AASS: variants seen among roughly 807,000 people sequenced by gnomAD.
AASS encodes aminoadipate-semialdehyde synthase, also known as alpha-aminoadipic semialdehyde synthase, mitochondrial.
Under a neutral mutation model 105.4 loss-of-function variants are expected in AASS, and 86 were observed. That is an observed-to-expected ratio of 0.82 (90% CI 0.69 to 0.98). The LOEUF is 0.98. Among genes scored for constraint, AASS ranks in the 50% least tolerant of loss-of-function variants. The pLI is 0.00. For synonymous variants in AASS, 381 were observed against 394.8 expected, an observed-to-expected ratio of 0.96 and a Z score of 0.41; for missense variants, 1,048 against 1,143.2, an observed-to-expected ratio of 0.92 and a Z score of 1.20.
At chr7:122,122,722 A>G (rs187474462) in intron 4 of AASS, among the ~76,000 whole-genome samples, 27 of 152,338 alleles carry the variant, frequency 1.8e-4, no homozygotes, top group Admixed American at 7.2e-4. Context: ...TAGACACTAC[A>G]GAAGAAAATC....
intron 11 of AASS, among the ~76,000 whole-genome samples, chr7:122,106,407 T>C (rs1348334945): frequency 6.6e-6 from 1 of 151,980 alleles, no homozygotes; most frequent in African/African-American, 2.4e-5. Context: ...AGAAACTATT[T>C]TAAAATTCAT....
rs1183219695 is a variant in AASS, at chr7:122,144,249, T to C, written c.-104A>G. ...GAGGCTCCGAATTCCTAGAAGAAACTGGGATGGAAGGCCGGGAAGTAGGAG... is the reference window on the plus strand; with the variant it reads ...GAGGCTCCGAATTCCTAGAAGAAACCGGGATGGAAGGCCGGGAAGTAGGAG... On this transcript the variant is annotated 5_prime_UTR_variant, in exon 1 of 24. Transcript: ENST00000417368. 1.3e-5 allele frequency: 2 copies of C among 152,270 alleles called. No homozygotes were observed. Among genetic ancestry groups the C allele is most frequent in the Non-Finnish European group, 2.9e-5 (2 of 68,090 alleles). 9.4% of individuals were successfully genotyped at this position (152,270 alleles called of 1,614,324 possible). A position where few individuals can be genotyped will look rare whatever the true frequency, so the allele number is the denominator to read the frequency against.
At chr7:122,084,602 A>G (rs779492864) in intron 19 of AASS, among the ~76,000 whole-genome samples, 5 of 152,132 alleles carry the variant, frequency 3.3e-5, no homozygotes, top group Admixed American at 6.6e-5. Flanking sequence ...GATAGAGAAT[A>G]AAACCATGGT....
intron 11 of AASS, among the ~76,000 whole-genome samples, chr7:122,108,552 A>G (rs1019308560): frequency 6.6e-6 from 1 of 152,126 alleles, no homozygotes; most frequent in African/African-American, 2.4e-5. Flanking sequence ...TATCACATTG[A>G]CAGAATGAAG....
In AASS at chr7:122,129,481, A is replaced by T; in HGVS notation, c.267T>A (p.Ile89=). The T allele has an allele frequency of 6.2e-7, 1 of 1,613,600 alleles. No individual in the cohort carries two copies. The highest frequency in any genetic ancestry group is 8.5e-7 in the Non-Finnish European group (1 of 1,179,730). The change falls in exon 3 of 24, where the codon ATT becomes ATA. Residue 89 remains isoleucine (I), a synonymous_variant. Transcript: ENST00000417368. ...CCTCTGGAGGTCTTTTAACTCCTAA[A>T]ATTAGACAAGCTTCAGAAATATCCT... is the stretch of plus-strand genomic sequence containing the variant. ...LQEDISEACL[I]LGVKRPPEEK... is the part of the protein sequence containing the mutation.
At chr7:122,135,354 T>C (rs1796095854) in intron 1 of AASS, among the ~76,000 whole-genome samples, 1 of 151,876 alleles carries the variant, frequency 6.6e-6, no homozygotes, top group African/African-American at 2.4e-5. Context: ...CAGAGTTAAA[T>C]CACTCTGCTT....
At chr7:122,102,228 G>A (rs1794464634) in intron 11 of AASS, among the ~76,000 whole-genome samples, 1 of 151,928 alleles carries the variant, frequency 6.6e-6, no homozygotes, top group Admixed American at 6.6e-5. Flanking sequence ...GACCTAGAAA[G>A]TCATTCACAC....
rs962656859 is a variant in AASS at position 122,076,623 on chromosome 7, T to C, written c.2663-16A>G. On this transcript the variant is annotated splice_polypyrimidine_tract_variant and intron_variant, in intron 23 of 23. Coordinates refer to ENST00000417368, the MANE Select transcript of AASS (RefSeq NM_005763.4). ...CCAATTTCACCTGGAAGAAAATAAA[T>C]GTGTAATTACCATTTCAAAGGTTGT... 1 of 1,525,514 alleles carries C rather than the reference T, an allele frequency of 6.6e-7. No individual in the cohort carries two copies. Among genetic ancestry groups the C allele is most frequent in the East Asian group, 2.3e-5 (1 of 44,440 alleles). 94.5% of individuals were successfully genotyped at this position (1,525,514 alleles called of 1,614,324 possible).
At chr7:122,126,337 A>C in intron 4 of AASS, 38 bp downstream of exon 4, 2 of 1,578,828 alleles carry the variant, frequency 1.3e-6, no homozygotes, top group South Asian at 2.2e-5. Context: ...CCCCAAGCCA[A>C]TTTAGGAAGT....
intron 1 of AASS, among the ~76,000 whole-genome samples, chr7:122,136,211 G>C (rs1011423040): frequency 2.6e-5 from 4 of 152,156 alleles, no homozygotes; most frequent in Non-Finnish European, 5.9e-5. Context: ...GATGGGGAAG[G>C]CTTGACCAAA....
rs774728615 is a variant in AASS, at chr7:122,092,875, T to C, written c.1843A>G (p.Thr615Ala). The change falls in exon 17 of 24, where the codon ACA becomes GCA. Residue 615 changes from threonine (T) to alanine (A), a missense_variant. Transcript: ENST00000417368. ...CCCACTTCCTTGGCTTTATCTATTG[T>C]TTCCATTGCTAACATGTGATCCAGA... is the stretch of plus-strand genomic sequence containing the variant. ...PGLDHMLAME[T>A]IDKAKEVGAT... 6.2e-7 allele frequency: 1 copy of C among 1,613,964 alleles called. No homozygotes were observed. The highest frequency in any genetic ancestry group is 1.7e-5 in the Admixed American group (1 of 59,976).
At position 122,115,766 on chromosome 7, in the gene AASS, C is replaced by A. The variant is rs866063736; in HGVS notation, c.895-544G>T. ...ATCAGTTTTAGGATGCATCCAATCA[C>A]CAATACTTCTGTGATTGGGGAAATG... is the stretch of plus-strand genomic sequence containing the variant. On this transcript the variant is annotated intron_variant, in intron 8 of 23. Transcript: ENST00000417368. Among the ~76,000 whole-genome samples, 85 of 152,216 alleles carry A rather than the reference C, an allele frequency of 5.6e-4. 3 individuals are homozygous for A. The highest frequency in any genetic ancestry group is 3.5e-4 in the Non-Finnish European group (24 of 68,016).
chr7:122,123,469 G>C (rs1795522644), intron 4 of AASS, among the ~76,000 whole-genome samples: 1 of 152,142 alleles, frequency 6.6e-6, no homozygotes, highest in South Asian at 2.1e-4. Flanking sequence ...TTTCTAGTTG[G>C]TTAATGACAG....
chr7:122,092,836 G>C lies in AASS; in HGVS notation c.1875+7C>G. ...TAATGTTGCCTTTGGGTACAAATTG[G>C]GCTCACCGTGGCTCCCACTTCCTTG... On this transcript the variant is annotated splice_region_variant and intron_variant, in intron 17 of 23. Coordinates refer to ENST00000417368, the MANE Select transcript of AASS (RefSeq NM_005763.4). 1 of 1,609,642 alleles carries C rather than the reference G, an allele frequency of 6.2e-7. No individual in the cohort carries two copies. Among genetic ancestry groups the C allele is most frequent in the Non-Finnish European group, 8.5e-7 (1 of 1,176,082 alleles).
In AASS at chr7:122,104,211, G is replaced by A. The variant is rs576096512; in HGVS notation, c.1279-2531C>T. Among the ~76,000 whole-genome samples the A allele has an allele frequency of 1.4e-4, 21 of 152,058 alleles. 1 individual carries two copies. In the South Asian group the frequency reaches 4.1e-3, roughly 30 times the overall value. On this transcript the variant is annotated intron_variant, in intron 11 of 23. Coordinates refer to ENST00000417368, the MANE Select transcript of AASS (RefSeq NM_005763.4). ...AAGCTCTACTATTCACAATAGCAAA[G>A]TTATGGAACCAATCTAGATACCCAT... is the stretch of plus-strand genomic sequence containing the variant.
In AASS at chr7:122,077,702, G is replaced by A. The variant is rs1187785380; in HGVS notation, c.2662+136C>T. 1.9e-5 allele frequency: 21 copies of A among 1,113,268 alleles called. No homozygotes were observed. In the Middle Eastern group the frequency reaches 8.0e-4, roughly 43 times the overall value. 69.0% of individuals were successfully genotyped at this position (1,113,268 alleles called of 1,614,324 possible). On this transcript the variant is annotated intron_variant, in intron 23 of 23. Coordinates refer to ENST00000417368, the MANE Select transcript of AASS (RefSeq NM_005763.4). ...CAAAAGGGGACCTCCCAGGCAGTCC[G>A]CGCTTGGATCTTCTAAGATGGTTCA...
chr7:122,091,932 T>A (rs951382979), intron 17 of AASS, 89 bp from the exon 18 acceptor site: 5 of 939,240 alleles, frequency 5.3e-6, no homozygotes, highest in Non-Finnish European at 6.6e-6. Context: ...ATGAATGGAG[T>A]AAACTTGCTA....
In AASS at chr7:122,073,549, T is replaced by C. The variant is rs1228610641; in HGVS notation, c.*2940A>G. Among the ~76,000 whole-genome samples the C allele has an allele frequency of 1.3e-5, 2 of 152,182 alleles. No homozygotes were observed. The highest frequency in any genetic ancestry group is 2.9e-5 in the Non-Finnish European group (2 of 68,030). Reference sequence around the variant, plus strand: ...CCAAGAAGCAAACAAACAAATTGCATTTGTAATTTAATTTTTTATAACAAC... The same window carrying C: ...CCAAGAAGCAAACAAACAAATTGCACTTGTAATTTAATTTTTTATAACAAC... On this transcript the variant is annotated 3_prime_UTR_variant, in exon 24 of 24. Transcript: ENST00000417368.
In AASS at chr7:122,116,640, T is replaced by G. The variant is rs1795191117; in HGVS notation, c.887A>C (p.Asn296Thr). The change falls in exon 8 of 24, where the codon AAT (asparagine) becomes ACT (threonine). Residue 296 changes from asparagine to threonine, a missense_variant. By Grantham distance (65) the Asn-to-Thr change is moderately conservative. Transcript: ENST00000417368. ...GGTGAATATGATACTCACATCAGTA[T>G]TAAAACGACTTATGTAGCGCTCCGG... ...KHPERYISRFNTDIAPYTTCL... is the reference protein window; with the variant it reads ...KHPERYISRFTTDIAPYTTCL... 6.2e-7 allele frequency: 1 copy of G among 1,614,080 alleles called. No homozygotes were observed. Among genetic ancestry groups the G allele is most frequent in the Non-Finnish European group, 8.5e-7 (1 of 1,179,994 alleles).
Sources: allele counts gnomAD v4.1 joint callset (sites outside exome capture counted in the v4.1 genomes callset), GRCh38; gene constraint gnomAD v4.1.1; transcripts MANE v1.5; gene names NCBI Gene and HGNC (gene_info 2026-07-23, HGNC 2026-07-21).